The following C3orf33 variants were observed in gnomAD, a reference collection of about 807,000 sequenced individuals.
C3orf33 encodes mitochondrial inner membrane subdomain organizer 1, also known as AP-1 activity suppressor.
C3orf33 carries 23 observed loss-of-function variants against 28.7 expected under a neutral mutation model. The observed-to-expected ratio is 0.80, with a 90% confidence interval of 0.58 to 1.13. C3orf33 has a LOEUF of 1.13. C3orf33 is among the 50% of genes most tolerant of loss of function. The pLI, the probability that C3orf33 is intolerant of heterozygous loss-of-function variation, is 0.00. For synonymous variants in C3orf33, 119 were observed against 120.5 expected, an observed-to-expected ratio of 0.99 and a Z score of 0.08; for missense variants, 327 against 353.4, an observed-to-expected ratio of 0.93 and a Z score of 0.60.
chr3:155,805,086 C>T (rs58881770), intron 1 of C3orf33, among the ~76,000 whole-genome samples: 1,938 of 151,604 alleles, frequency 0.013, 40 homozygotes, highest in African/African-American at 0.044. Context: ...GTGTCTTAGC[C>T]ACAACCCTCT....
intron 2 of C3orf33, among the ~76,000 whole-genome samples, chr3:155,778,220 T>C (rs1024329872): frequency 6.7e-6 from 1 of 148,152 alleles, no homozygotes; most frequent in African/African-American, 2.5e-5. Flanking sequence ...CAAGTAAATA[T>C]AATGCATGAT....
intron 2 of C3orf33, among the ~76,000 whole-genome samples, chr3:155,790,393 C>T (rs1751278355): frequency 2.0e-5 from 3 of 151,782 alleles, no homozygotes; most frequent in African/African-American, 7.3e-5. Context: ...AGATGTGACA[C>T]CAAAGGCACA....
chr3:155,775,781 C>T lies in C3orf33; in HGVS notation c.242G>A (p.Gly81Glu). The T allele has an allele frequency of 1.3e-6, 2 of 1,595,936 alleles. No individual in the cohort carries two copies. Among genetic ancestry groups the T allele is most frequent in the Non-Finnish European group, 1.7e-6 (2 of 1,165,106 alleles). Residue 81 changes from glycine to glutamate, a missense_variant, in exon 3 of 5, where the codon GGA (glycine) becomes GAA (glutamate). Transcript: ENST00000340171. Reference protein sequence around the residue: ...EFIRRNVKLRGRLRRITENGL... With the variant: ...EFIRRNVKLRERLRRITENGL... The stretch of plus-strand genomic sequence containing the variant: ...ATTCTCAGTTATTCGGCGTAATCGT[C>T]CACGTAGTTTAACATTTCTTCTTAT...
At chr3:155,773,354 G>A (rs765918147) in intron 3 of C3orf33, among the ~76,000 whole-genome samples, 14 of 152,068 alleles carry the variant, frequency 9.2e-5, no homozygotes, top group East Asian at 1.9e-4. Flanking sequence ...CATTTGTAGC[G>A]GTTAATATCT....
chr3:155,764,682 C>T (rs1453491277), intron 4 of C3orf33, among the ~76,000 whole-genome samples: 1 of 151,216 alleles, frequency 6.6e-6, no homozygotes, highest in Non-Finnish European at 1.5e-5. Context: ...GAAACACCAC[C>T]TCTGCTAAAA....
chr3:155,768,032 A>C (rs1335187297), intron 3 of C3orf33, among the ~76,000 whole-genome samples: 1 of 152,094 alleles, frequency 6.6e-6, no homozygotes, highest in Non-Finnish European at 1.5e-5. Context: ...GGCATGCACC[A>C]CCATGCCCAG....
intron 3 of C3orf33, among the ~76,000 whole-genome samples, chr3:155,768,961 A>G (rs1750493466): frequency 6.6e-6 from 1 of 152,184 alleles, no homozygotes; most frequent in African/African-American, 2.4e-5. Context: ...GGATCACCTG[A>G]GGTCAGGAGT....
At chr3:155,772,153 C>T (rs1293504553) in intron 3 of C3orf33, among the ~76,000 whole-genome samples, 1 of 152,142 alleles carries the variant, frequency 6.6e-6, no homozygotes, top group African/African-American at 2.4e-5. Context: ...TGCAATGAAC[C>T]ATGATCGCAC....
At chr3:155,786,834 AAAAT>A (rs869262835) in intron 2 of C3orf33, among the ~76,000 whole-genome samples, 1 of 152,218 alleles carries the variant, frequency 6.6e-6, no homozygotes, top group African/African-American at 2.4e-5. Context: ...CTGTCTCAAA[AAAAT>A]AAATAAATAA....
chr3:155,804,674 C>T (rs1035419592), intron 1 of C3orf33, among the ~76,000 whole-genome samples: 9 of 152,176 alleles, frequency 5.9e-5, no homozygotes, highest in Non-Finnish European at 1.2e-4. Flanking sequence ...TCTTTGCTGA[C>T]CTCCTCTTTA....
chr3:155,802,730 G>T, intron 1 of C3orf33, 139 bp from the exon 2 acceptor site: 1 of 590,242 alleles, frequency 1.7e-6, no homozygotes, highest in Non-Finnish European at 2.9e-6. Flanking sequence ...TCAAATAAAG[G>T]CCCACTTCTT....
intron 1 of C3orf33, chr3:155,805,562 T>C (rs184347440): frequency 7.0e-5 from 30 of 430,486 alleles, no homozygotes; most frequent in African/African-American, 5.3e-4. Flanking sequence ...TCTCTAACTC[T>C]AAAAGAAAGT....
At chr3:155,805,548 C>T (rs1285122065) in intron 1 of C3orf33, 2 of 449,450 alleles carry the variant, frequency 4.4e-6, no homozygotes, top group East Asian at 1.4e-4. Context: ...AGCAAGACTC[C>T]CAGTCTCTAA....
intron 2 of C3orf33, among the ~76,000 whole-genome samples, chr3:155,790,953 G>A (rs1751296071): frequency 6.6e-6 from 1 of 152,164 alleles, no homozygotes; most frequent in African/African-American, 2.4e-5. Flanking sequence ...CAGAGAACTT[G>A]GGGAATACAT....
At chr3:155,774,425 A>C (rs1750677713) in intron 3 of C3orf33, among the ~76,000 whole-genome samples, 1 of 152,138 alleles carries the variant, frequency 6.6e-6, no homozygotes. Flanking sequence ...ACAGAGGCCA[A>C]GATACTCCAA....
intron 1 of C3orf33, chr3:155,804,129 TCACA>T: frequency 2.6e-6 from 1 of 387,788 alleles, no homozygotes; most frequent in Non-Finnish European, 5.0e-6. Context: ...TGAGCCGAGA[TCACA>T]CCATTGCACT....
At position 155,763,471 on chromosome 3, in the gene C3orf33, A is replaced by G. The variant is rs767973424; in HGVS notation, c.*46T>C. 1 of 1,372,476 alleles carries G rather than the reference A, an allele frequency of 7.3e-7. No homozygotes were observed. The highest frequency in any genetic ancestry group is 1.5e-5 in the African/African-American group (1 of 67,356). The allele number at this position is 1,372,476 out of a possible 1,614,324, so 85.0% of individuals were successfully genotyped here. On this transcript the variant is annotated 3_prime_UTR_variant, in exon 5 of 5. Coordinates refer to ENST00000340171, the MANE Select transcript of C3orf33 (RefSeq NM_001308229.2). ...CAATGAAAAACGTCCATATATTTAC[A>G]TATTTCACTCTTTGGAGAAGGTTAC...
intron 2 of C3orf33, among the ~76,000 whole-genome samples, chr3:155,788,228 C>A (rs1405892347): frequency 6.7e-6 from 1 of 150,110 alleles, no homozygotes; most frequent in Non-Finnish European, 1.5e-5. Flanking sequence ...AAAAGATCAA[C>A]CAGTATAATA....
intron 2 of C3orf33, among the ~76,000 whole-genome samples, chr3:155,790,863 C>T (rs563861190): frequency 6.6e-6 from 1 of 152,244 alleles, no homozygotes; most frequent in East Asian, 1.9e-4. Flanking sequence ...ATTCTGGGGT[C>T]CTAAATAAAC....
Sources: gnomAD v4.1 joint callset for allele counts (sites outside exome capture counted in the v4.1 genomes callset) on GRCh38, gnomAD v4.1.1 for gene constraint, MANE v1.5 for transcripts, NCBI Gene and HGNC (gene_info 2026-07-23, HGNC 2026-07-21) for gene names.